NAPG: variants seen among roughly 807,000 people sequenced by gnomAD.
NAPG encodes NSF attachment protein gamma, also known as gamma-soluble NSF attachment protein.
A neutral mutation model predicts 48.4 loss-of-function variants in NAPG; 25 were observed. The observed-to-expected ratio is 0.52, with a 90% CI of 0.38 to 0.72. The LOEUF (loss-of-function observed/expected upper bound fraction) is 0.72. Ranked by LOEUF, NAPG falls within the 30% of genes least tolerant of loss-of-function variation. NAPG has a pLI of 0.00. For synonymous variants in NAPG, 139 were observed against 127.2 expected, an observed-to-expected ratio of 1.09 and a Z score of -0.62; for missense variants, 359 against 372.5, an observed-to-expected ratio of 0.96 and a Z score of 0.30.
At position 10,546,669 on chromosome 18, in the gene NAPG, CACGTGGAG is replaced by C. The variant is rs984820697; in HGVS notation, c.585+267_585+274del. On this transcript the variant is annotated intron_variant, in intron 9 of 11. Transcript: ENST00000322897. This position sits in a 1 kb window ranked among gnomAD's most constrained non-coding sequence, Gnocchi z 4.0. The stretch of plus-strand genomic sequence containing the variant: ...AAAAGAGACTAAGGAGAGGAGCAAA[CACGTGGAG>C]AAACAACCACCATGGGAATGAGTTT... Among the ~76,000 whole-genome samples the C allele has an allele frequency of 4.3e-4, 66 of 152,176 alleles. 1 individual carries two copies. The highest frequency in any genetic ancestry group is 1.2e-3 in the Admixed American group (18 of 15,280).
intron 1 of NAPG, among the ~76,000 whole-genome samples, chr18:10,527,659 G>A (rs990795913): frequency 5.3e-5 from 8 of 152,188 alleles, no homozygotes; most frequent in African/African-American, 1.4e-4. Flanking sequence ...AATACGGAAT[G>A]TTTTAGACGG....
chr18:10,541,397 G>A (rs769404082), intron 8 of NAPG, among the ~76,000 whole-genome samples: 2 of 152,092 alleles, frequency 1.3e-5, no homozygotes, highest in Non-Finnish European at 2.9e-5. Flanking sequence ...CTTACTCGTC[G>A]CTTCCCAGAA....
At chr18:10,527,418 C>A (rs761921383) in intron 1 of NAPG, among the ~76,000 whole-genome samples, 3 of 152,156 alleles carry the variant, frequency 2.0e-5, no homozygotes, top group South Asian at 2.1e-4. Flanking sequence ...CAAGCTCTAT[C>A]ACATGACTCG....
rs575023209 is a variant in NAPG, at chr18:10,543,101, C to A, written c.506+2702C>A. On this transcript the variant is annotated intron_variant, in intron 8 of 11. Transcript: ENST00000322897. This position sits in a 1 kb window ranked among gnomAD's most constrained non-coding sequence, Gnocchi z 4.4. ...CGGGAGGCTGGAGAATCGCTTGAAC[C>A]CAGGAGGCACAGGTTGCAGTGAGAC... Among the ~76,000 whole-genome samples, 3 of 151,112 alleles carry A rather than the reference C, an allele frequency of 2.0e-5. No homozygotes were observed. The South Asian group carries it at 6.3e-4, about 32-fold the overall frequency.
chr18:10,528,134 G>C (rs3790131), intron 1 of NAPG, among the ~76,000 whole-genome samples: 4 of 152,048 alleles, frequency 2.6e-5, no homozygotes, highest in Admixed American at 6.6e-5. Flanking sequence ...TGCAGTGAGC[G>C]GAGATCGCGC....
intron 1 of NAPG, among the ~76,000 whole-genome samples, chr18:10,528,394 A>C (rs1280619929): frequency 6.6e-6 from 1 of 152,212 alleles, no homozygotes; most frequent in Non-Finnish European, 1.5e-5. Flanking sequence ...AGGACTAAAA[A>C]TAGGATGTTC....
chr18:10,534,168 A>C lies in NAPG; in HGVS notation c.228-298A>C, dbSNP rs560751328. 2.6e-5 allele frequency among the ~76,000 whole-genome samples: 4 copies of C among 152,284 alleles called. No individual in the cohort carries two copies. The highest frequency in any genetic ancestry group is 7.2e-5 in the African/African-American group (3 of 41,558). On this transcript the variant is annotated intron_variant, in intron 4 of 11. Coordinates refer to ENST00000322897, the MANE Select transcript of NAPG (RefSeq NM_003826.3). This position sits in a 1 kb window ranked among gnomAD's most constrained non-coding sequence, Gnocchi z 5.0. ...TCCCAAAAACAAACAAACAAACAAA[A>C]AAACTTAGGTTTAGGTTTGTCAGAT...
intron 5 of NAPG, among the ~76,000 whole-genome samples, chr18:10,536,877 A>G (rs2032043911): frequency 6.6e-6 from 1 of 152,012 alleles, no homozygotes; most frequent in Admixed American, 6.5e-5. Context: ...GAACTACCCA[A>G]GGGTTGGGAT....
chr18:10,530,738 A>G, intron 1 of NAPG, 32 bp from the exon 2 acceptor site: 1 of 1,441,102 alleles, frequency 6.9e-7, no homozygotes, highest in South Asian at 1.4e-5. Context: ...TGTGGTTGGT[A>G]ACTCCTGTTA....
At position 10,551,501 on chromosome 18, in the gene NAPG, A is replaced by T. The variant is rs919124736; in HGVS notation, c.*1281A>T. ...TTTCCTAAAATGCTGTTTTCGAAAC[A>T]TTCCTTTTTCACCCTGTTGTGTGGC... is the stretch of plus-strand genomic sequence containing the variant. On this transcript the variant is annotated 3_prime_UTR_variant, in exon 12 of 12. Transcript: ENST00000322897. 2 of 152,236 alleles carry T rather than the reference A, an allele frequency of 1.3e-5. No individual in the cohort carries two copies. Among genetic ancestry groups the T allele is most frequent in the African/African-American group, 4.8e-5 (2 of 41,468 alleles). 9.4% of individuals were successfully genotyped at this position (152,236 alleles called of 1,614,324 possible). A position where few individuals can be genotyped will look rare whatever the true frequency, so the allele number is the denominator to read the frequency against.
rs544208323 is a variant in NAPG at position 10,551,999 on chromosome 18, A to G, written c.*1779A>G. The G allele has an allele frequency of 1.3e-5, 2 of 152,352 alleles. No individual in the cohort carries two copies. Among genetic ancestry groups the G allele is most frequent in the Non-Finnish European group, 2.9e-5 (2 of 68,040 alleles). The allele number at this position is 152,352 out of a possible 1,614,324, so 9.4% of individuals were successfully genotyped here. On this transcript the variant is annotated 3_prime_UTR_variant, in exon 12 of 12. Transcript: ENST00000322897. The stretch of plus-strand genomic sequence containing the variant: ...CAAAGATCCCATCATTGCAGCTTGT[A>G]TCCTTTAGATCCAATCGGAAACTTC...
Position 10,526,162 on chromosome 18 carries a change from A to T in NAPG, c.56+4A>T. 1 of 1,518,704 alleles carries T rather than the reference A, an allele frequency of 6.6e-7. No homozygotes were observed. Among genetic ancestry groups the T allele is most frequent in the Non-Finnish European group, 8.9e-7 (1 of 1,120,292 alleles). 94.1% of individuals were successfully genotyped at this position (1,518,704 alleles called of 1,614,324 possible). On this transcript the variant is annotated splice_donor_region_variant and intron_variant, in intron 1 of 11. Transcript: ENST00000322897. Reference sequence around the variant, plus strand: ...ACCTCGCCAAAGCAGAGAAATAGTGAGTGAGAACCTTCCGGGGGCCTGTGT... The same window carrying T: ...ACCTCGCCAAAGCAGAGAAATAGTGTGTGAGAACCTTCCGGGGGCCTGTGT...
At chr18:10,527,770 AG>A (rs1211779747) in intron 1 of NAPG, among the ~76,000 whole-genome samples, 2 of 152,228 alleles carry the variant, frequency 1.3e-5, no homozygotes, top group Admixed American at 6.5e-5. Context: ...GTGTAGTCAC[AG>A]TGCCAGGGGA....
Position 10,539,356 on chromosome 18 carries a change from C to A in NAPG, c.259-406C>A. On this transcript the variant is annotated intron_variant, in intron 5 of 11. Coordinates refer to ENST00000322897, the MANE Select transcript of NAPG (RefSeq NM_003826.3). The surrounding 1 kb of genome is among the most constrained non-coding windows in gnomAD (Gnocchi z 4.7). Reference sequence around the variant, plus strand: ...AAAAAGAATGAGATCATGTCCTTTGCAGGGACATGGATGAAGCTGGAAGCC... The same window carrying A: ...AAAAAGAATGAGATCATGTCCTTTGAAGGGACATGGATGAAGCTGGAAGCC... The A allele has an allele frequency of 5.5e-6, 1 of 182,738 alleles. No individual in the cohort carries two copies. The highest frequency in any genetic ancestry group is 1.2e-5 in the Non-Finnish European group (1 of 86,356). The allele number at this position is 182,738 out of a possible 1,614,324, so 11.3% of individuals were successfully genotyped here.
At position 10,532,729 on chromosome 18, in the gene NAPG, CCAAA is replaced by C; in HGVS notation, c.146_149del (p.Lys49SerfsTer10). The C allele has an allele frequency of 6.3e-7, 1 of 1,585,994 alleles. No individual in the cohort carries two copies. Among genetic ancestry groups the C allele is most frequent in the Non-Finnish European group, 8.6e-7 (1 of 1,164,682 alleles). On this transcript the variant is annotated frameshift_variant, in exon 3 of 12. Coordinates refer to ENST00000322897, the MANE Select transcript of NAPG (RefSeq NM_003826.3). LOFTEE classifies it high-confidence loss of function. ...ATTTCAGCTGTTGCTTTTAAAAATG[CCAAA>C]CAGTTTGAGCAAGCAAAAGATGCCT...
In NAPG at chr18:10,548,916, A is replaced by T. The variant is rs371024638; in HGVS notation, c.666-51A>T. 2.5e-6 allele frequency: 4 copies of T among 1,591,656 alleles called. No individual in the cohort carries two copies. The African/African-American group carries it at 5.4e-5, about 21-fold the overall frequency. On this transcript the variant is annotated intron_variant, in intron 10 of 11. Transcript: ENST00000322897. This position sits in a 1 kb window ranked among gnomAD's most constrained non-coding sequence, Gnocchi z 4.4. The stretch of plus-strand genomic sequence containing the variant: ...AGGGGCAGAATCATCCCTGCCTGAG[A>T]TGTGTTCTTTTAAGGAGAAGGTGAA...
chr18:10,543,563 T>C lies in NAPG; in HGVS notation c.507-2763T>C, dbSNP rs1028077860. 1.3e-5 allele frequency among the ~76,000 whole-genome samples: 2 copies of C among 152,152 alleles called. No homozygotes were observed. The highest frequency in any genetic ancestry group is 4.8e-5 in the African/African-American group (2 of 41,438). On this transcript the variant is annotated intron_variant, in intron 8 of 11. Coordinates refer to ENST00000322897, the MANE Select transcript of NAPG (RefSeq NM_003826.3). This position sits in a 1 kb window ranked among gnomAD's most constrained non-coding sequence, Gnocchi z 4.4. ...AAAATAGGTTTTGGAGTTCAGGAAA[T>C]AGTTGGGGCCAGAGGAACAGTTTGA... is the stretch of plus-strand genomic sequence containing the variant.
chr18:10,540,397 T>C lies in NAPG; in HGVS notation c.504T>C (p.Arg168=). The change falls in exon 8 of 12, where the codon CGT becomes CGC. Residue 168 remains arginine (R), a splice_region_variant and synonymous_variant. Transcript: ENST00000322897. ...CCTCCAGACTACTAGTACGAGGACG[T>C]AGGTATGTCTTTAAAAACTATTGCT... ...GKASRLLVRG[R]RFDEAALSIQ... 1 of 1,611,868 alleles carries C rather than the reference T, an allele frequency of 6.2e-7. No individual in the cohort carries two copies. Among genetic ancestry groups the C allele is most frequent in the African/African-American group, 1.3e-5 (1 of 74,984 alleles).
chr18:10,528,650 C>T (rs1243495163), intron 1 of NAPG, among the ~76,000 whole-genome samples: 1 of 152,022 alleles, frequency 6.6e-6, no homozygotes, highest in Non-Finnish European at 1.5e-5. Flanking sequence ...GAGGTGCCTG[C>T]ATGTAGAGAT....
Sources: allele counts gnomAD v4.1 joint callset (sites outside exome capture counted in the v4.1 genomes callset), GRCh38; gene constraint gnomAD v4.1.1; non-coding constraint Gnocchi (gnomAD v3.1); transcripts MANE v1.5; gene names NCBI Gene and HGNC (gene_info 2026-07-23, HGNC 2026-07-21).